Variants in CELF2 observed in about 807,000 individuals in gnomAD.
CELF2 encodes the protein CUG triplet repeat RNA-binding protein 2.
Under a neutral mutation model 62.6 loss-of-function variants are expected in CELF2, and 8 were observed. That is an observed-to-expected ratio of 0.13 (90% CI 0.07 to 0.23). The LOEUF (loss-of-function observed/expected upper bound fraction) is 0.23, where lower values mean the gene tolerates loss of function less well. Among genes scored for constraint, CELF2 ranks in the 10% least tolerant of loss-of-function variants. The pLI is 1.00. For missense variants in CELF2, 333 were observed against 671.0 expected (o/e 0.50, Z 5.56); for synonymous variants, 258 against 250.0 (o/e 1.03, Z -0.30).
rs1436832548 is a variant in CELF2, at chr10:10,990,516, T to C, written c.89+70517T>C. Among the ~76,000 whole-genome samples the C allele has an allele frequency of 6.6e-6, 1 of 152,168 alleles. No homozygotes were observed. Among genetic ancestry groups the C allele is most frequent in the East Asian group, 1.9e-4 (1 of 5,202 alleles). On this transcript the variant is annotated intron_variant, in intron 2 of 13. Transcript: ENST00000636488. This position sits in a 1 kb window ranked among gnomAD's most constrained non-coding sequence, Gnocchi z 4.6. The stretch of plus-strand genomic sequence containing the variant: ...AAACGTTATTTTTAAGAGAATCATG[T>C]TCTATGTCCAAATTATCACTAAATC...
intron 1 of CELF2, among the ~76,000 whole-genome samples, chr10:10,809,474 C>A (rs150657050): frequency 6.6e-6 from 1 of 152,324 alleles, no homozygotes; most frequent in African/African-American, 2.4e-5. Flanking sequence ...CTTATACTTT[C>A]CATCTTTCTC....
At chr10:10,877,414 A>C (rs148265504) in intron 1 of CELF2, among the ~76,000 whole-genome samples, 1 of 152,254 alleles carries the variant, frequency 6.6e-6, no homozygotes, top group South Asian at 2.1e-4. Flanking sequence ...AAGGCAGGAC[A>C]ACGAGAAGTG....
chr10:10,911,732 T>C (rs1336916745), intron 1 of CELF2, among the ~76,000 whole-genome samples: 3 of 152,202 alleles, frequency 2.0e-5, no homozygotes, highest in Non-Finnish European at 4.4e-5. Context: ...GGACTTTATC[T>C]TGAAATCTGA....
chr10:10,500,276 G>T, the CELF2 span, among the ~76,000 whole-genome samples: 1 of 152,180 alleles, frequency 6.6e-6, no homozygotes, highest in Admixed American at 6.5e-5. Context: ...AATTCAGAGA[G>T]ATGCTATGTA....
chr10:10,906,009 T>C (rs1251638300), intron 1 of CELF2, among the ~76,000 whole-genome samples: 3 of 152,154 alleles, frequency 2.0e-5, no homozygotes, highest in Non-Finnish European at 4.4e-5. Flanking sequence ...AGGCAAAAGT[T>C]GCAGTGAGCT....
At chr10:11,240,131 G>A (rs2073278073) in intron 3 of CELF2, among the ~76,000 whole-genome samples, 1 of 152,212 alleles carries the variant, frequency 6.6e-6, no homozygotes, top group Admixed American at 6.5e-5. Context: ...AGACTTGGAG[G>A]TTAGGTAAAT....
chr10:10,830,216 G>T (rs551168368), intron 1 of CELF2, among the ~76,000 whole-genome samples: 8 of 150,500 alleles, frequency 5.3e-5, no homozygotes, highest in African/African-American at 2.0e-4. Flanking sequence ...AATTGTTTAG[G>T]CTGTGAAAAG....
At chr10:10,484,655 C>A in the CELF2 span, among the ~76,000 whole-genome samples, 1 of 151,800 alleles carries the variant, frequency 6.6e-6, no homozygotes. Context: ...GCTTTTCAGT[C>A]GGTTAGGAAT....
At chr10:11,257,699 T>C (rs762923375) in intron 4 of CELF2, 39 bp from the exon 5 acceptor site, 2 of 1,603,820 alleles carry the variant, frequency 1.2e-6, no homozygotes, top group South Asian at 1.1e-5. Context: ...GAAAAAAAGA[T>C]GAAATGGCCT....
rs146597929 is a variant in CELF2 at position 11,202,027 on chromosome 10, A to G, written c.272-15398A>G. 1.4e-4 allele frequency among the ~76,000 whole-genome samples: 21 copies of G among 152,298 alleles called. 1 individual carries two copies. The East Asian group carries it at 4.1e-3, about 29-fold the overall frequency. On this transcript the variant is annotated intron_variant, in intron 2 of 12. Coordinates refer to ENST00000633077, the MANE Select transcript of CELF2 (RefSeq NM_001326342.2). ...AAAATTTGGCCTCACTGCATAGACA[A>G]GATCATGACTGTACCATGTAACACT...
intron 1 of CELF2, among the ~76,000 whole-genome samples, chr10:10,889,733 C>T (rs1267062275): frequency 6.6e-6 from 1 of 152,212 alleles, no homozygotes; most frequent in Non-Finnish European, 1.5e-5. Flanking sequence ...GTCAAGAAAA[C>T]ATAAAAGTAT....
chr10:10,676,249 C>T, the CELF2 span, among the ~76,000 whole-genome samples: 38 of 152,226 alleles, frequency 2.5e-4, no homozygotes, highest in African/African-American at 8.4e-4. Context: ...TGAGTTTTTT[C>T]CTTCTCCCAC....
In CELF2 at chr10:10,822,990, T is replaced by C. The variant is rs183349457; in HGVS notation, c.53+24173T>C. Among the ~76,000 whole-genome samples, 316 of 152,308 alleles carry C rather than the reference T, an allele frequency of 2.1e-3. 1 individual carries two copies. Among genetic ancestry groups the C allele is most frequent in the African/African-American group, 7.1e-3 (296 of 41,560 alleles). On this transcript the variant is annotated intron_variant, in intron 1 of 13. Transcript: ENST00000636488. ...ATTCATTAGATAAATCCAAAATCGA[T>C]TTTTTAGAAATAGTTTACTTACTTT...
rs577094777 is a variant in CELF2, at chr10:10,842,883, ATTG to A, written c.53+44070_53+44072del. Among the ~76,000 whole-genome samples the A allele has an allele frequency of 1.9e-3, 291 of 152,124 alleles. 1 individual carries two copies. Among genetic ancestry groups the A allele is most frequent in the Non-Finnish European group, 3.4e-3 (231 of 67,920 alleles). ...AGAATTGGCATTATTTCTTTAGTAA[ATTG>A]TTGGTGGATTCACCAGCGGAACCAT... is the stretch of plus-strand genomic sequence containing the variant. On this transcript the variant is annotated intron_variant, in intron 1 of 13. Coordinates refer to the CELF2 transcript ENST00000636488.
chr10:10,528,981 A>G, the CELF2 span, among the ~76,000 whole-genome samples: 1 of 152,222 alleles, frequency 6.6e-6, no homozygotes. Context: ...TTTTCTACAA[A>G]TGACCCATAA....
intron 3 of CELF2, among the ~76,000 whole-genome samples, chr10:11,219,994 C>A (rs935594408): frequency 5.3e-5 from 8 of 152,230 alleles, no homozygotes; most frequent in Non-Finnish European, 1.0e-4. Context: ...ACTATTTTAA[C>A]TGGTTGCCTT....
At chr10:11,053,612 C>CTTTTTTTTT (rs35886208) in intron 1 of CELF2, among the ~76,000 whole-genome samples, 1 of 122,432 alleles carries the variant, frequency 8.2e-6, no homozygotes, top group African/African-American at 3.0e-5. Context: ...TCTGATATTT[C>CTTTTTTTTT]TTTTTTTTTT....
chr10:10,733,614 G>GT, the CELF2 span, among the ~76,000 whole-genome samples: 1 of 152,078 alleles, frequency 6.6e-6, no homozygotes, highest in East Asian at 1.9e-4. Flanking sequence ...GCATGGCTTG[G>GT]GGGGGCCTCA....
chr10:10,540,665 A>G, the CELF2 span, among the ~76,000 whole-genome samples: 1 of 152,204 alleles, frequency 6.6e-6, no homozygotes, highest in African/African-American at 2.4e-5. Flanking sequence ...GATCAGAAAT[A>G]CCAACATCTG....
Sources: allele counts gnomAD v4.1 joint callset (sites outside exome capture counted in the v4.1 genomes callset), GRCh38; gene constraint gnomAD v4.1.1; non-coding constraint Gnocchi (gnomAD v3.1); transcripts MANE v1.5; gene names NCBI Gene and HGNC (gene_info 2026-07-23, HGNC 2026-07-21).